TGFBR1: variants seen among roughly 807,000 people sequenced by gnomAD.
TGFBR1 encodes transforming growth factor beta receptor 1.
TGFBR1 carries 20 observed loss-of-function variants against 55.1 expected under a neutral mutation model. The observed-to-expected ratio is 0.36, with a 90% CI of 0.26 to 0.53. The LOEUF (loss-of-function observed/expected upper bound fraction) is 0.53, where lower values mean the gene tolerates loss of function less well. Among genes scored for constraint, TGFBR1 ranks in the 20% least tolerant of loss-of-function variants. The pLI is 0.91. For synonymous variants in TGFBR1, 220 were observed against 214.8 expected (o/e 1.02, Z -0.21); for missense variants, 385 against 617.6 (o/e 0.62, Z 3.99).
At chr9:99,140,455 C>CAA (rs60083340) in intron 4 of TGFBR1, among the ~76,000 whole-genome samples, 2 of 143,864 alleles carry the variant, frequency 1.4e-5, no homozygotes, top group East Asian at 2.0e-4. Context: ...GACTCTGTCT[C>CAA]AAAAAAAAAA....
intron 6 of TGFBR1, chr9:99,146,041 T>G: frequency 3.9e-6 from 1 of 258,248 alleles, no homozygotes; most frequent in Non-Finnish European, 7.5e-6. Context: ...TGACCCATAA[T>G]TTTGGTAGGT....
chr9:99,146,799 C>G (rs912828560), intron 7 of TGFBR1, among the ~76,000 whole-genome samples, 190 bp downstream of exon 7: 2 of 152,188 alleles, frequency 1.3e-5, no homozygotes, highest in African/African-American at 4.8e-5. Flanking sequence ...ATGCACAGCT[C>G]TAGCCTAGTG....
Position 99,151,173 on chromosome 9 carries a change from A to G in TGFBR1, c.*1868A>G, listed in dbSNP as rs199765790. The G allele has an allele frequency of 1.7e-4, 39 of 230,054 alleles. No individual in the cohort carries two copies. The highest frequency in any genetic ancestry group is 2.8e-4 in the Non-Finnish European group (32 of 116,158). The allele number at this position is 230,054 out of a possible 1,614,324, so 14.3% of individuals were successfully genotyped here. On this transcript the variant is annotated 3_prime_UTR_variant, in exon 9 of 9. Transcript: ENST00000374994. ...TTTTAGAATGAGTGACATATTACATAGGAATTTAGTGTCAATTTCATGTGT... is the reference window on the plus strand; with the variant it reads ...TTTTAGAATGAGTGACATATTACATGGGAATTTAGTGTCAATTTCATGTGT...
At chr9:99,147,867 A>G (rs1827850251) in intron 8 of TGFBR1, 83 bp downstream of exon 8, 7 of 1,544,526 alleles carry the variant, frequency 4.5e-6, no homozygotes, top group Non-Finnish European at 4.4e-6. Context: ...TCTTTAAGGA[A>G]AACTTTTCTT....
chr9:99,136,598 C>T (rs1301761308), intron 3 of TGFBR1, among the ~76,000 whole-genome samples: 2 of 152,122 alleles, frequency 1.3e-5, no homozygotes, highest in East Asian at 1.9e-4. Flanking sequence ...TAACTAGCAG[C>T]CTCCTTATAA....
In TGFBR1 at chr9:99,149,404, G is replaced by C. The variant is rs1373142193; in HGVS notation, c.*99G>C. The C allele has an allele frequency of 6.6e-7, 1 of 1,521,780 alleles. No homozygotes were observed. The highest frequency in any genetic ancestry group is 1.4e-5 in the African/African-American group (1 of 72,804). The allele number at this position is 1,521,780 out of a possible 1,614,324, so 94.3% of individuals were successfully genotyped here. On this transcript the variant is annotated 3_prime_UTR_variant, in exon 9 of 9. Transcript: ENST00000374994. ...TCTACCTCACTGAGAGGGAACAGAA[G>C]GATATTGCTTCCTTTTGCAGCAGTG...
At chr9:99,115,164 C>T (rs145070109) in intron 1 of TGFBR1, among the ~76,000 whole-genome samples, 8 of 152,252 alleles carry the variant, frequency 5.3e-5, no homozygotes, top group Non-Finnish European at 1.0e-4. Flanking sequence ...TCGGGTTTAT[C>T]ACTCATGATT....
intron 2 of TGFBR1, among the ~76,000 whole-genome samples, chr9:99,131,785 A>G (rs1247350458): frequency 6.6e-6 from 1 of 152,178 alleles, no homozygotes; most frequent in South Asian, 2.1e-4. Flanking sequence ...CCTGAGCAAC[A>G]TGGTGAAACC....
intron 1 of TGFBR1, among the ~76,000 whole-genome samples, chr9:99,106,731 T>C (rs536214010): frequency 3.3e-5 from 5 of 152,348 alleles, no homozygotes; most frequent in African/African-American, 7.2e-5. Flanking sequence ...TACATCATAC[T>C]ATCTGGCGTA....
chr9:99,128,475 T>TAAAAAAA (rs66612011), intron 1 of TGFBR1, among the ~76,000 whole-genome samples: 8 of 104,032 alleles, frequency 7.7e-5, no homozygotes, highest in East Asian at 6.2e-4. Flanking sequence ...TTGGGCCTGG[T>TAAAAAAA]AAAAAAAAAA....
At chr9:99,147,592 T>C in intron 7 of TGFBR1, 62 bp from the exon 8 acceptor site, 1 of 1,496,814 alleles carries the variant, frequency 6.7e-7, no homozygotes, top group Non-Finnish European at 9.2e-7. Flanking sequence ...AGGTGATCTT[T>C]TAATGCCTTG....
chr9:99,138,843 G>GC (rs1198243769), intron 4 of TGFBR1, among the ~76,000 whole-genome samples: 1 of 151,960 alleles, frequency 6.6e-6, no homozygotes, highest in Non-Finnish European at 1.5e-5. Context: ...CTGTAGCCAG[G>GC]CTGGAGTACA....
intron 1 of TGFBR1, among the ~76,000 whole-genome samples, chr9:99,122,909 A>G (rs1386578513): frequency 6.6e-6 from 1 of 152,208 alleles, no homozygotes; most frequent in Non-Finnish European, 1.5e-5. Context: ...ACATGATGCC[A>G]CAAGTGGAAA....
At chr9:99,143,908 GT>G (rs1480949277) in intron 5 of TGFBR1, among the ~76,000 whole-genome samples, 1 of 152,154 alleles carries the variant, frequency 6.6e-6, no homozygotes. Context: ...ACAATATGTG[GT>G]CTTTTGTGAC....
rs192566378 is a variant in TGFBR1, at chr9:99,108,323, C to T, written c.97+3021C>T. Among the ~76,000 whole-genome samples, 63 of 152,280 alleles carry T rather than the reference C, an allele frequency of 4.1e-4. No homozygotes were observed. In the East Asian group the frequency reaches 0.011, roughly 27 times the overall value. On this transcript the variant is annotated intron_variant, in intron 1 of 8. Coordinates refer to ENST00000374994, the MANE Select transcript of TGFBR1 (RefSeq NM_004612.4). ...CTAATTCATGAGATTGTGAAGATCA[C>T]ATGAGAAAGTGGTATTTGAGTTTGA...
Position 99,132,495 on chromosome 9 carries a change from A to C in TGFBR1, c.344-14A>C. The stretch of plus-strand genomic sequence containing the variant: ...TCGTTGTTGATGTTTATTTCACTCG[A>C]GGCCCTTTTTCAGTAAAGTCATCAC... On this transcript the variant is annotated splice_polypyrimidine_tract_variant and intron_variant, in intron 2 of 8. Coordinates refer to ENST00000374994, the MANE Select transcript of TGFBR1 (RefSeq NM_004612.4). The C allele has an allele frequency of 6.2e-7, 1 of 1,613,694 alleles. No individual in the cohort carries two copies. The highest frequency in any genetic ancestry group is 8.5e-7 in the Non-Finnish European group (1 of 1,180,010).
At position 99,142,712 on chromosome 9, in the gene TGFBR1, A is replaced by G. The variant is rs763793570; in HGVS notation, c.973+9A>G. 2.5e-5 allele frequency: 40 copies of G among 1,613,760 alleles called. 1 individual carries two copies. In the South Asian group the frequency reaches 3.4e-4, roughly 14 times the overall value. On this transcript the variant is annotated intron_variant, in intron 5 of 8. Transcript: ENST00000374994. ...GATTGTTGGTACCCAAGGTAATTCTATAAGCAGTTCTATTATTTAAGCTTT... is the reference window on the plus strand; with the variant it reads ...GATTGTTGGTACCCAAGGTAATTCTGTAAGCAGTTCTATTATTTAAGCTTT...
At position 99,149,535 on chromosome 9, in the gene TGFBR1, T is replaced by C. The variant is rs2118864935; in HGVS notation, c.*230T>C. 1.5e-5 allele frequency: 8 copies of C among 517,508 alleles called. No homozygotes were observed. Among genetic ancestry groups the C allele is most frequent in the Middle Eastern group, 5.2e-4 (1 of 1,906 alleles). 32.1% of individuals were successfully genotyped at this position (517,508 alleles called of 1,614,324 possible). A position where few individuals can be genotyped will look rare whatever the true frequency, so the allele number is the denominator to read the frequency against. The stretch of plus-strand genomic sequence containing the variant: ...CGCTTCTTTCCCAGGACAGAAAATG[T>C]GTAGTCTACCTTTATTTTTTATTAA... On this transcript the variant is annotated 3_prime_UTR_variant, in exon 9 of 9. Coordinates refer to ENST00000374994, the MANE Select transcript of TGFBR1 (RefSeq NM_004612.4).
chr9:99,153,525 T>C lies in TGFBR1; in HGVS notation c.*4220T>C, dbSNP rs200270666. 5.1e-6 allele frequency: 1 copy of C among 195,728 alleles called. No individual in the cohort carries two copies. Among genetic ancestry groups the C allele is most frequent in the Non-Finnish European group, 1.1e-5 (1 of 93,832 alleles). The allele number at this position is 195,728 out of a possible 1,614,324, so 12.1% of individuals were successfully genotyped here. On this transcript the variant is annotated 3_prime_UTR_variant, in exon 9 of 9. Transcript: ENST00000374994. ...TTTCCCCATAAGTTTTTTTAAATTG[T>C]ATATTGTATTTGTAGTAATATTCCA...
Sources: allele counts gnomAD v4.1 joint callset (sites outside exome capture counted in the v4.1 genomes callset), GRCh38; gene constraint gnomAD v4.1.1; transcripts MANE v1.5; gene names NCBI Gene and HGNC (gene_info 2026-07-23, HGNC 2026-07-21).